The following SIAE variants were observed in gnomAD, a reference collection of about 807,000 sequenced individuals.
SIAE encodes the protein sialate O-acetylesterase.
A neutral mutation model predicts 52.6 loss-of-function variants in SIAE; 39 were observed. That is an observed-to-expected ratio of 0.74 (90% CI 0.57 to 0.97). SIAE has a LOEUF of 0.97. Among genes scored for constraint, SIAE ranks in the 50% least tolerant of loss-of-function variants. The pLI is 0.00. For missense variants in SIAE, 592 were observed against 662.1 expected (o/e 0.89, Z 1.16); for synonymous variants, 233 against 241.4 (o/e 0.97, Z 0.32).
chr11:124,673,511 G>T, intron 1 of SIAE, 131 bp downstream of exon 1: 2 of 1,074,038 alleles, frequency 1.9e-6, no homozygotes, highest in Non-Finnish European at 2.7e-6. Flanking sequence ...GGAGACGCGA[G>T]CCCCTAGCCT....
rs755449872 is a variant in SIAE, at chr11:124,637,128, G to A, written c.1395C>T (p.Thr465=). The A allele has an allele frequency of 6.2e-7, 1 of 1,614,048 alleles. No individual in the cohort carries two copies. Among genetic ancestry groups the A allele is most frequent in the African/African-American group, 1.3e-5 (1 of 74,928 alleles). ...SMNTVSTQSL[T]LAIDSCHGTV... The stretch of plus-strand genomic sequence containing the variant: ...TGCCATGACAAGAATCGATCGCCAG[G>A]GTCAGGGACTGGGTGGAGACGGTGT... The change falls in exon 10 of 10, where the codon ACC becomes ACT. Residue 465 remains threonine (T), a synonymous_variant. Transcript: ENST00000263593.
intron 2 of SIAE, among the ~76,000 whole-genome samples, chr11:124,665,868 C>T (rs546572565): frequency 1.3e-5 from 2 of 152,090 alleles, no homozygotes; most frequent in East Asian, 3.9e-4. Context: ...GCATGCCAAC[C>T]AGGGGCAGGG....
chr11:124,673,419 G>A (rs11824316), intron 1 of SIAE, among the ~76,000 whole-genome samples: 8,832 of 152,268 alleles, frequency 0.058, 776 homozygotes, highest in African/African-American at 0.19. Context: ...CAGGCTGCAT[G>A]TCAGGGATGG....
intron 2 of SIAE, among the ~76,000 whole-genome samples, chr11:124,663,867 CAAAG>C (rs1241397603): frequency 3.3e-5 from 5 of 152,202 alleles, no homozygotes. Context: ...CCACTAACCA[CAAAG>C]AGTTTACCAT....
At chr11:124,644,502 C>A (rs997447516) in intron 7 of SIAE, among the ~76,000 whole-genome samples, 1 of 152,078 alleles carries the variant, frequency 6.6e-6, no homozygotes, top group African/African-American at 2.4e-5. Flanking sequence ...CTATTATATA[C>A]TCGCCACATG....
rs529719214 is a variant in SIAE, at chr11:124,666,066, C to T, written c.229+3294G>A. ...TCGTATTCCTTGTGTCTGAAAGAAT[C>T]CTCTTACATCATTTGACAACATCGT... On this transcript the variant is annotated intron_variant, in intron 2 of 9. Transcript: ENST00000263593. Among the ~76,000 whole-genome samples, 26 of 152,248 alleles carry T rather than the reference C, an allele frequency of 1.7e-4. No individual in the cohort carries two copies. The South Asian group carries it at 5.0e-3, about 29-fold the overall frequency.
chr11:124,655,237 C>T (rs977909384), intron 3 of SIAE, among the ~76,000 whole-genome samples: 3 of 146,924 alleles, frequency 2.0e-5, no homozygotes, highest in Non-Finnish European at 4.4e-5. Context: ...AGTGTAGTGG[C>T]CAATCTCAGC....
At chr11:124,662,138 A>C (rs1943194579) in intron 2 of SIAE, among the ~76,000 whole-genome samples, 1 of 152,250 alleles carries the variant, frequency 6.6e-6, no homozygotes, top group East Asian at 1.9e-4. Flanking sequence ...AGGTTAATTA[A>C]ATCTAAGACC....
Position 124,649,617 on chromosome 11 carries a change from A to T in SIAE, c.722+2T>A. ...TTCTCAGACTGGAGAATGCTGTCTTACCCTTGTTTAGGGACCCCACAGGCT... is the reference window on the plus strand; with the variant it reads ...TTCTCAGACTGGAGAATGCTGTCTTTCCCTTGTTTAGGGACCCCACAGGCT... On this transcript the variant is annotated splice_donor_variant, in intron 5 of 9. Transcript: ENST00000263593. LOFTEE classifies it high-confidence loss of function. 6.2e-7 allele frequency: 1 copy of T among 1,613,878 alleles called. No individual in the cohort carries two copies. Among genetic ancestry groups the T allele is most frequent in the South Asian group, 1.1e-5 (1 of 91,056 alleles).
intron 1 of SIAE, 45 bp downstream of exon 1, chr11:124,673,597 G>T (rs1256745231): frequency 1.9e-6 from 3 of 1,594,506 alleles, no homozygotes; most frequent in Non-Finnish European, 1.7e-6. Context: ...CTCGGAGCCC[G>T]CACAGGCTGA....
chr11:124,638,647 T>A lies in SIAE; in HGVS notation c.1215A>T (p.Glu405Asp). 2 of 1,614,138 alleles carry A rather than the reference T, an allele frequency of 1.2e-6. No homozygotes were observed. Among genetic ancestry groups the A allele is most frequent in the African/African-American group, 2.7e-5 (2 of 75,038 alleles). Residue 405 changes from glutamate to aspartate, a missense_variant, in exon 9 of 10, where the codon GAA (glutamate) becomes GAT (aspartate). Coordinates refer to ENST00000263593, the MANE Select transcript of SIAE (RefSeq NM_170601.5). ...LAYGEKNLTF[E>D]GPLPEKIELL... Reference sequence around the variant, plus strand: ...GTTCTATCTTCTCAGGCAGTGGTCCTTCAAAGGTCAAATTCTTCTCACCAT... The same window carrying A: ...GTTCTATCTTCTCAGGCAGTGGTCCATCAAAGGTCAAATTCTTCTCACCAT...
intron 7 of SIAE, among the ~76,000 whole-genome samples, chr11:124,646,152 AG>A (rs1197669628): frequency 6.6e-6 from 1 of 152,260 alleles, no homozygotes; most frequent in Admixed American, 6.5e-5. Context: ...TGTGGAGGCT[AG>A]GCAATTATGA....
At chr11:124,648,529 G>T (rs1942973327) in intron 5 of SIAE, among the ~76,000 whole-genome samples, 1 of 151,972 alleles carries the variant, frequency 6.6e-6, no homozygotes, top group South Asian at 2.1e-4. Context: ...TTAATGCACA[G>T]ACATTTAGGT....
At chr11:124,647,640 A>C in intron 6 of SIAE, 142 bp from the exon 7 acceptor site, 1 of 1,013,416 alleles carries the variant, frequency 9.9e-7, no homozygotes, top group African/African-American at 1.6e-5. Flanking sequence ...CCAGTGGGGC[A>C]TCAGCAAATG....
intron 4 of SIAE, among the ~76,000 whole-genome samples, chr11:124,652,791 T>C (rs906924341): frequency 1.3e-5 from 2 of 151,988 alleles, no homozygotes; most frequent in African/African-American, 2.4e-5. Flanking sequence ...GTATCTGAAT[T>C]GCCTCGCCTC....
chr11:124,659,424 T>C (rs1943149843), intron 3 of SIAE: 1 of 152,128 alleles, frequency 6.6e-6, no homozygotes, highest in African/African-American at 2.4e-5. Flanking sequence ...ATAAACATTT[T>C]AATTCAAAAA....
At position 124,669,433 on chromosome 11, in the gene SIAE, T is replaced by G. The variant is rs1591397366; in HGVS notation, c.156A>C (p.Thr52=). The change falls in exon 2 of 10, where the codon ACA becomes ACC. Residue 52 remains threonine (T), a synonymous_variant. Transcript: ENST00000263593. ...PAGAVIWGFG[T]PGATVTVTLR... ...GGGTCACGGTCACTGTGGCTCCAGGTGTACCGAAGCCCCATATCACTGCCC... is the reference window on the plus strand; with the variant it reads ...GGGTCACGGTCACTGTGGCTCCAGGGGTACCGAAGCCCCATATCACTGCCC... The G allele has an allele frequency of 6.2e-7, 1 of 1,614,172 alleles. No homozygotes were observed. Among genetic ancestry groups the G allele is most frequent in the Non-Finnish European group, 8.5e-7 (1 of 1,180,016 alleles).
rs560932671 is a variant in SIAE at position 124,670,777 on chromosome 11, G to A, written c.68-1256C>T. On this transcript the variant is annotated intron_variant, in intron 1 of 9. Transcript: ENST00000263593. The surrounding 1 kb of genome is among the most constrained non-coding windows in gnomAD (Gnocchi z 4.5). The stretch of plus-strand genomic sequence containing the variant: ...CTCTCTTATGAGCTAGTGTGATCAA[G>A]AAACCTACATGACAATGAAAGATCA... Among the ~76,000 whole-genome samples the A allele has an allele frequency of 7.4e-4, 113 of 152,312 alleles. No homozygotes were observed. Among genetic ancestry groups the A allele is most frequent in the Admixed American group, 1.3e-3 (20 of 15,306 alleles).
At chr11:124,674,790 T>C (rs1455134825), upstream of SIAE, 1 of 154,046 alleles carries the variant, frequency 6.5e-6, no homozygotes, top group Non-Finnish European at 1.4e-5. Flanking sequence ...ATTGTGCAAC[T>C]TCTTCATTCA....
Sources: allele counts gnomAD v4.1 joint callset (sites outside exome capture counted in the v4.1 genomes callset), GRCh38; gene constraint gnomAD v4.1.1; non-coding constraint Gnocchi (gnomAD v3.1); transcripts MANE v1.5; gene names NCBI Gene and HGNC (gene_info 2026-07-23, HGNC 2026-07-21).